The following EPB41L3 variants were observed in gnomAD, a reference collection of about 807,000 sequenced individuals.
The protein encoded by EPB41L3 is erythrocyte membrane protein band 4.1 like 3.
Under a neutral mutation model 127.1 loss-of-function variants are expected in EPB41L3, and 57 were observed. The ratio of observed to expected loss-of-function variants is 0.45; its 90% CI spans 0.36 to 0.56. The LOEUF (loss-of-function observed/expected upper bound fraction) is 0.56, where lower values mean the gene tolerates loss of function less well. Ranked by LOEUF, EPB41L3 falls within the 20% of genes least tolerant of loss-of-function variation. The probability of loss-of-function intolerance (pLI) is 0.00; values close to 1 mark genes in which losing one functional copy is unlikely to be tolerated. For synonymous variants in EPB41L3, 572 were observed against 549.5 expected (o/e 1.04, Z -0.57); for missense variants, 1,273 against 1,372.2 (o/e 0.93, Z 1.14).
intron 1 of EPB41L3, among the ~76,000 whole-genome samples, chr18:5,529,197 T>C (rs1167640397): frequency 2.0e-5 from 3 of 152,184 alleles, no homozygotes; most frequent in African/African-American, 7.2e-5. Context: ...CTGAGCTGCC[T>C]GTCACAATTT....
chr18:5,611,235 G>A (rs2144033976), intron 3 of EPB41L3, among the ~76,000 whole-genome samples: 1 of 152,348 alleles, frequency 6.6e-6, no homozygotes, highest in Non-Finnish European at 1.5e-5. Flanking sequence ...TCAAAAGGCA[G>A]AAACTACACG....
intron 1 of EPB41L3, among the ~76,000 whole-genome samples, chr18:5,498,348 C>T (rs2148460760): frequency 6.6e-6 from 1 of 152,224 alleles, no homozygotes; most frequent in Admixed American, 6.5e-5. Context: ...AATTCCAACA[C>T]TTTGGGAGGC....
rs536352149 is a variant in EPB41L3 at position 5,561,213 on chromosome 18, G to C, written c.-306+51127C>G. Among the ~76,000 whole-genome samples, 3 of 152,092 alleles carry C rather than the reference G, an allele frequency of 2.0e-5. No homozygotes were observed. The South Asian group carries it at 6.2e-4, about 32-fold the overall frequency. ...AGGATGGTCAAGATCTCCTGACCTCGTGATCCGCCCGCCTCGGCCTCCCAA... is the reference window on the plus strand; with the variant it reads ...AGGATGGTCAAGATCTCCTGACCTCCTGATCCGCCCGCCTCGGCCTCCCAA... On this transcript the variant is annotated intron_variant, in intron 3 of 21. Coordinates refer to the EPB41L3 transcript ENST00000545076.
At chr18:5,533,537 G>A (rs2093476673) in intron 1 of EPB41L3, among the ~76,000 whole-genome samples, 1 of 152,140 alleles carries the variant, frequency 6.6e-6, no homozygotes, top group African/African-American at 2.4e-5. Context: ...ATATATAAGT[G>A]AAGAACTTCA....
intron 1 of EPB41L3, among the ~76,000 whole-genome samples, chr18:5,627,611 A>G (rs1355204138): frequency 6.6e-6 from 1 of 152,226 alleles, no homozygotes; most frequent in East Asian, 1.9e-4. Flanking sequence ...GATTTTAATA[A>G]TGATTGACCT....
rs1336012835 is a variant in EPB41L3, at chr18:5,580,830, T to C, written c.-306+31510A>G. Among the ~76,000 whole-genome samples, 10 of 152,172 alleles carry C rather than the reference T, an allele frequency of 6.6e-5. No homozygotes were observed. In the East Asian group the frequency reaches 1.9e-3, roughly 29 times the overall value. On this transcript the variant is annotated intron_variant, in intron 3 of 21. Transcript: ENST00000545076. ...TAGAGTAGTCCACGCAAGAAGCAAC[T>C]CACCTAAAAATAAATGTAAACCCCT...
rs748126828 is a variant in EPB41L3 at position 5,425,484 on chromosome 18, C to T, written c.1066-1125G>A. On this transcript the variant is annotated intron_variant, in intron 9 of 22. Coordinates refer to ENST00000341928, the MANE Select transcript of EPB41L3 (RefSeq NM_012307.5). ...TCCTGCAACTAATATGCACATATTA[C>T]GCCAATGCCAGGGGTTATATGGAAG... Among the ~76,000 whole-genome samples, 58 of 152,132 alleles carry T rather than the reference C, an allele frequency of 3.8e-4. 1 individual carries two copies. The highest frequency in any genetic ancestry group is 9.7e-4 in the African/African-American group (40 of 41,428).
At chr18:5,459,057 T>C (rs2083542427) in intron 3 of EPB41L3, among the ~76,000 whole-genome samples, 1 of 152,174 alleles carries the variant, frequency 6.6e-6, no homozygotes, top group African/African-American at 2.4e-5. Context: ...AGGAGGGTGA[T>C]ATTCTCTTTG....
chr18:5,404,084 C>A (rs1417449930), intron 16 of EPB41L3, among the ~76,000 whole-genome samples: 1 of 152,140 alleles, frequency 6.6e-6, no homozygotes, highest in Non-Finnish European at 1.5e-5. Flanking sequence ...TTGATGTCAT[C>A]GATGACTATG....
intron 13 of EPB41L3, among the ~76,000 whole-genome samples, chr18:5,415,098 C>T (rs1255741070): frequency 6.6e-6 from 1 of 152,208 alleles, no homozygotes; most frequent in Non-Finnish European, 1.5e-5. Context: ...TTCAGCCTGC[C>T]TTTACATTGT....
chr18:5,503,186 TCTA>T (rs2091887549), intron 1 of EPB41L3, among the ~76,000 whole-genome samples: 1 of 152,208 alleles, frequency 6.6e-6, no homozygotes, highest in Non-Finnish European at 1.5e-5. Context: ...AGGTGGCCAT[TCTA>T]CTGTCTTAAC....
intron 16 of EPB41L3, chr18:5,400,948 TC>T: frequency 6.7e-7 from 1 of 1,489,004 alleles, no homozygotes; most frequent in Non-Finnish European, 9.0e-7. Context: ...TTCTGGAAAA[TC>T]CTTTATGTTT....
At chr18:5,415,465 T>C (rs943603856) in intron 13 of EPB41L3, among the ~76,000 whole-genome samples, 2 of 152,258 alleles carry the variant, frequency 1.3e-5, no homozygotes, top group Non-Finnish European at 1.5e-5. Flanking sequence ...CTGTCTTATA[T>C]GTGATTTACC....
Position 5,541,252 on chromosome 18 carries a change from C to CAAAAAAAAAAA in EPB41L3, c.-12+2650_-12+2660dup, listed in dbSNP as rs370717420. On this transcript the variant is annotated intron_variant, in intron 1 of 22. Transcript: ENST00000341928. ...TGGGTGACACAGAAGGACTCCATCT[C>CAAAAAAAAAAA]AAAAAAAAAAAAAAAAAAAAAAAAA... Among the ~76,000 whole-genome samples the CAAAAAAAAAAA allele has an allele frequency of 7.1e-4, 33 of 46,764 alleles. 4 individuals are homozygous for CAAAAAAAAAAA. The highest frequency in any genetic ancestry group is 3.5e-3 in the African/African-American group (32 of 9,094). 30.7% of individuals were successfully genotyped at this position (46,764 alleles called of 152,430 possible). A position where few individuals can be genotyped will look rare whatever the true frequency, so the allele number is the denominator to read the frequency against.
In EPB41L3 at chr18:5,606,485, T is replaced by C. The variant is rs191636127; in HGVS notation, c.-306+5855A>G. ...ACAATGTACTATTGATGAGTATACATGTTACTTATTATTATTGAAATAAAG... is the reference window on the plus strand; with the variant it reads ...ACAATGTACTATTGATGAGTATACACGTTACTTATTATTATTGAAATAAAG... On this transcript the variant is annotated intron_variant, in intron 3 of 21. Coordinates refer to the EPB41L3 transcript ENST00000545076. 1.2e-3 allele frequency among the ~76,000 whole-genome samples: 179 copies of C among 152,200 alleles called. 1 individual carries two copies. Among genetic ancestry groups the C allele is most frequent in the South Asian group, 2.7e-3 (13 of 4,818 alleles).
At position 5,585,901 on chromosome 18, in the gene EPB41L3, G is replaced by A. The variant is rs28561880; in HGVS notation, c.-306+26439C>T. 4.8e-3 allele frequency among the ~76,000 whole-genome samples: 736 copies of A among 152,224 alleles called. 6 individuals carry two copies. The highest frequency in any genetic ancestry group is 0.017 in the African/African-American group (711 of 41,540). ...CAGTGGCTTCATCCCTCTGCCAGTG[G>A]CCTCATCCCTCGGCAAGGGCAGCTC... On this transcript the variant is annotated intron_variant, in intron 3 of 21. Transcript: ENST00000545076.
intron 3 of EPB41L3, among the ~76,000 whole-genome samples, chr18:5,473,580 C>T (rs1476422360): frequency 6.6e-6 from 1 of 151,508 alleles, no homozygotes; most frequent in Non-Finnish European, 1.5e-5. Context: ...ATACACTGTA[C>T]ACTAATCAGT....
intron 5 of EPB41L3, among the ~76,000 whole-genome samples, chr18:5,438,599 G>T (rs2080216094): frequency 2.0e-5 from 3 of 152,190 alleles, no homozygotes; most frequent in Admixed American, 2.0e-4. Flanking sequence ...TTTATTTTAT[G>T]GGAAAGGTTT....
At chr18:5,617,359 C>T (rs1396210584) in intron 1 of EPB41L3, among the ~76,000 whole-genome samples, 2 of 150,996 alleles carry the variant, frequency 1.3e-5, no homozygotes, top group South Asian at 2.1e-4. Flanking sequence ...CACTCTGTCG[C>T]CCAGGCTGGA....
Sources: gnomAD v4.1 joint callset for allele counts (sites outside exome capture counted in the v4.1 genomes callset) on GRCh38, gnomAD v4.1.1 for gene constraint, MANE v1.5 for transcripts, NCBI Gene and HGNC (gene_info 2026-07-23, HGNC 2026-07-21) for gene names.